Variants in KCNAB1 observed in about 807,000 individuals in gnomAD.
KCNAB1 encodes potassium voltage-gated channel subfamily A regulatory beta subunit 1.
In KCNAB1, 35 loss-of-function variants were observed where a neutral mutation model predicts 64.6. That is an observed-to-expected ratio of 0.54 (90% CI 0.41 to 0.72). The LOEUF is 0.72. Among genes scored for constraint, KCNAB1 ranks in the 30% least tolerant of loss-of-function variants. KCNAB1 has a pLI of 0.00. For synonymous variants in KCNAB1, 177 were observed against 183.8 expected (o/e 0.96, Z 0.30); for missense variants, 401 against 512.9 (o/e 0.78, Z 2.11).
chr3:156,286,152 A>G (rs900367107), intron 1 of KCNAB1, among the ~76,000 whole-genome samples: 2 of 152,198 alleles, frequency 1.3e-5, no homozygotes, highest in East Asian at 1.9e-4. Context: ...GATATTTCCA[A>G]TATGGCTTCT....
intron 1 of KCNAB1, among the ~76,000 whole-genome samples, chr3:156,334,175 A>G (rs550598218): frequency 1.3e-5 from 2 of 152,316 alleles, no homozygotes. Context: ...TTATTTTGGC[A>G]TAATGAGTGT....
rs139161465 is a variant in KCNAB1 at position 156,249,928 on chromosome 3, T to C, written c.275+129042T>C. ...GCAAGATGAGCCAAAAACTGACCAC[T>C]GGATTTGGCAAAATGAAGATCATTA... On this transcript the variant is annotated intron_variant, in intron 1 of 13. Coordinates refer to ENST00000490337, the MANE Select transcript of KCNAB1 (RefSeq NM_172160.3). Among the ~76,000 whole-genome samples, 67 of 152,326 alleles carry C rather than the reference T, an allele frequency of 4.4e-4. 1 individual carries two copies. The highest frequency in any genetic ancestry group is 1.4e-3 in the African/African-American group (60 of 41,584).
At chr3:156,146,998 C>G (rs1715075949) in intron 1 of KCNAB1, among the ~76,000 whole-genome samples, 1 of 151,796 alleles carries the variant, frequency 6.6e-6, no homozygotes, top group Admixed American at 6.6e-5. Context: ...TTAAGGAACT[C>G]AAATGCATAT....
chr3:156,432,013 A>G (rs748623095), intron 2 of KCNAB1, among the ~76,000 whole-genome samples: 4 of 152,216 alleles, frequency 2.6e-5, no homozygotes, highest in Non-Finnish European at 5.9e-5. Flanking sequence ...TCCAAACTGC[A>G]TTCTGGGAGT....
chr3:156,225,022 A>G (rs531211597), intron 1 of KCNAB1, among the ~76,000 whole-genome samples: 13 of 152,190 alleles, frequency 8.5e-5, no homozygotes, highest in Non-Finnish European at 1.6e-4. Flanking sequence ...TCCTATTGAC[A>G]CTATTCCAAA....
chr3:156,491,438 AAATT>A (rs1715621762), intron 8 of KCNAB1, among the ~76,000 whole-genome samples: 1 of 152,138 alleles, frequency 6.6e-6, no homozygotes, highest in Non-Finnish European at 1.5e-5. Context: ...AAATCAAACT[AAATT>A]AATAAAGCAA....
intron 1 of KCNAB1, among the ~76,000 whole-genome samples, chr3:156,312,064 C>T (rs937240996): frequency 5.9e-5 from 9 of 152,306 alleles, no homozygotes; most frequent in Non-Finnish European, 7.3e-5. Flanking sequence ...GTGTGCTCCC[C>T]CAACCTTGCC....
intron 1 of KCNAB1, among the ~76,000 whole-genome samples, chr3:156,376,913 G>A (rs1711718064): frequency 6.6e-6 from 1 of 152,168 alleles, no homozygotes; most frequent in Non-Finnish European, 1.5e-5. Flanking sequence ...CGAGGACACA[G>A]GTAGATAGAA....
In KCNAB1 at chr3:156,365,854, TAATC is replaced by T. The variant is rs541325055; in HGVS notation, c.276-55759_276-55756del. 2.6e-3 allele frequency among the ~76,000 whole-genome samples: 395 copies of T among 152,320 alleles called. 5 individuals are homozygous for T. Among genetic ancestry groups the T allele is most frequent in the African/African-American group, 9.1e-3 (377 of 41,572 alleles). On this transcript the variant is annotated intron_variant, in intron 1 of 13. Coordinates refer to ENST00000490337, the MANE Select transcript of KCNAB1 (RefSeq NM_172160.3). ...AATCCAAATGGATGCAGATCAGACA[TAATC>T]AAGGCAAACAGGTTTTTAAAAATTG...
chr3:156,433,540 C>T (rs1716374847), intron 2 of KCNAB1, among the ~76,000 whole-genome samples: 1 of 152,044 alleles, frequency 6.6e-6, no homozygotes, highest in Non-Finnish European at 1.5e-5. Context: ...TCAAGGAGAA[C>T]ACAAGGAAAA....
chr3:156,515,550 C>T (rs1411059661), intron 10 of KCNAB1, among the ~76,000 whole-genome samples: 2 of 152,036 alleles, frequency 1.3e-5, no homozygotes, highest in Non-Finnish European at 2.9e-5. Context: ...GGTGCTTGCT[C>T]GAGTAAACAA....
At chr3:156,165,773 A>G (rs1711531379) in intron 1 of KCNAB1, among the ~76,000 whole-genome samples, 1 of 152,008 alleles carries the variant, frequency 6.6e-6, no homozygotes, top group Non-Finnish European at 1.5e-5. Flanking sequence ...TGTTCTTCTG[A>G]GCTCTCCTGG....
At chr3:156,178,230 C>CT (rs1220888576) in intron 1 of KCNAB1, among the ~76,000 whole-genome samples, 1 of 152,198 alleles carries the variant, frequency 6.6e-6, no homozygotes, top group Non-Finnish European at 1.5e-5. Context: ...ACCATAGACT[C>CT]TATCAGTGGG....
At chr3:156,328,873 C>A (rs1219411501) in intron 1 of KCNAB1, among the ~76,000 whole-genome samples, 1 of 152,148 alleles carries the variant, frequency 6.6e-6, no homozygotes, top group South Asian at 2.1e-4. Flanking sequence ...CCTGGTGAGT[C>A]TTTGCCTTGT....
chr3:156,287,489 A>T (rs1278750350), intron 1 of KCNAB1, among the ~76,000 whole-genome samples: 1 of 152,158 alleles, frequency 6.6e-6, no homozygotes, highest in Non-Finnish European at 1.5e-5. Context: ...AAATAATGAC[A>T]ACTATCGTTA....
chr3:156,280,833 GAA>G (rs1300843613), intron 1 of KCNAB1, among the ~76,000 whole-genome samples: 2,686 of 151,206 alleles, frequency 0.018, 82 homozygotes, highest in African/African-American at 0.062. Context: ...AGACTTTGCT[GAA>G]GTTGCTTATC....
chr3:156,378,996 T>TGG, intron 1 of KCNAB1, among the ~76,000 whole-genome samples: 1 of 152,270 alleles, frequency 6.6e-6, no homozygotes, highest in Non-Finnish European at 1.5e-5. Flanking sequence ...CCCAGAGCTG[T>TGG]GGGGGCTCTT....
intron 1 of KCNAB1, chr3:156,175,895 T>C: frequency 3.9e-6 from 3 of 776,200 alleles, no homozygotes. Flanking sequence ...GATGCTGAGA[T>C]AATGAAGGGC....
chr3:156,300,854 A>G (rs566442337), intron 1 of KCNAB1, among the ~76,000 whole-genome samples: 1 of 152,348 alleles, frequency 6.6e-6, no homozygotes, highest in Admixed American at 6.5e-5. Context: ...TTGAGTATCC[A>G]GGTAGAAAGC....
Sources: allele counts gnomAD v4.1 joint callset (sites outside exome capture counted in the v4.1 genomes callset), GRCh38; gene constraint gnomAD v4.1.1; transcripts MANE v1.5; gene names NCBI Gene and HGNC (gene_info 2026-07-23, HGNC 2026-07-21).